Variants in GAS2 observed in about 807,000 individuals in gnomAD.
GAS2 encodes the protein growth arrest specific 2.
A neutral mutation model predicts 37.5 loss-of-function variants in GAS2; 20 were observed. That is an observed-to-expected ratio of 0.53 (90% confidence interval 0.37 to 0.77). GAS2 has a LOEUF of 0.77. Among genes scored for constraint, GAS2 ranks in the 30% least tolerant of loss-of-function variants. GAS2 has a pLI of 0.00. For synonymous variants in GAS2, 144 were observed against 132.2 expected (o/e 1.09, Z -0.61); for missense variants, 336 against 373.4 (o/e 0.90, Z 0.82).
At chr11:22,688,426 G>A (rs1369181437) in intron 3 of GAS2, 2 of 152,074 alleles carry the variant, frequency 1.3e-5, no homozygotes, top group Non-Finnish European at 2.9e-5. Flanking sequence ...GCCTGGTTAG[G>A]CCTTGGAAGG....
At chr11:22,731,705 T>C (rs80135716) in intron 4 of GAS2, among the ~76,000 whole-genome samples, 7,848 of 151,856 alleles carry the variant, frequency 0.052, 281 homozygotes, top group Middle Eastern at 0.13. Context: ...CCTTTAAGTG[T>C]TTGATAAATC....
In GAS2 at chr11:22,715,145, C is replaced by T. The variant is rs111575019; in HGVS notation, c.268-11147C>T. On this transcript the variant is annotated intron_variant, in intron 3 of 7. Transcript: ENST00000454584. ...AGATTAACCAAGAAAAGAAGAGATA[C>T]GTTCCAAATAAGCTTAATTAGAAAC... Among the ~76,000 whole-genome samples, 216 of 152,142 alleles carry T rather than the reference C, an allele frequency of 1.4e-3. 1 individual carries two copies. The highest frequency in any genetic ancestry group is 4.9e-3 in the African/African-American group (204 of 41,526).
At chr11:22,776,091 G>T (rs1326261668) in intron 7 of GAS2, among the ~76,000 whole-genome samples, 2 of 152,164 alleles carry the variant, frequency 1.3e-5, no homozygotes, top group East Asian at 1.9e-4. Flanking sequence ...ACCTTGTATT[G>T]TGCCTGTTGA....
chr11:22,684,689 C>G (rs560833962), intron 2 of GAS2, among the ~76,000 whole-genome samples: 1 of 152,138 alleles, frequency 6.6e-6, no homozygotes, highest in Admixed American at 6.5e-5. Context: ...CTCAGCCTCC[C>G]GAGTAGCTGG....
chr11:22,754,769 A>G (rs1465777103), intron 6 of GAS2, among the ~76,000 whole-genome samples: 1 of 152,160 alleles, frequency 6.6e-6, no homozygotes. Context: ...ATTAAAGTCA[A>G]AAATCGAATT....
chr11:22,710,529 A>ATG (rs1851354893), intron 3 of GAS2, among the ~76,000 whole-genome samples: 4 of 151,138 alleles, frequency 2.6e-5, no homozygotes, highest in Admixed American at 1.3e-4. Flanking sequence ...GTATATATAT[A>ATG]TATATGTTTC....
intron 3 of GAS2, among the ~76,000 whole-genome samples, chr11:22,724,043 T>G (rs1297635247): frequency 2.0e-5 from 3 of 151,952 alleles, no homozygotes. Flanking sequence ...ATGCATGTCC[T>G]TCTTGAATTA....
intron 1 of GAS2, 105 bp from the exon 2 acceptor site, chr11:22,674,745 T>C (rs1449177038): frequency 2.4e-5 from 19 of 795,726 alleles, no homozygotes; most frequent in Non-Finnish European, 3.6e-5. Context: ...TAAACTGAAC[T>C]GTCATCAGAA....
intron 1 of GAS2, among the ~76,000 whole-genome samples, chr11:22,648,399 T>C (rs1163861796): frequency 4.6e-5 from 7 of 152,186 alleles, no homozygotes; most frequent in East Asian, 1.9e-4. Context: ...ATTGACTTGG[T>C]GATGCGGGCT....
rs912121280 is a variant in GAS2, at chr11:22,707,488, C to T, written c.268-18804C>T. On this transcript the variant is annotated intron_variant, in intron 3 of 7. Coordinates refer to ENST00000454584, the MANE Select transcript of GAS2 (RefSeq NM_001143830.3). ...CACAAATGTTTATAGACTTGACTCT[C>T]AGCTGATCTAGACATACCATTGTTT... 6.6e-5 allele frequency among the ~76,000 whole-genome samples: 10 copies of T among 152,160 alleles called. No homozygotes were observed. In the East Asian group the frequency reaches 7.7e-4, roughly 12 times the overall value.
At chr11:22,725,474 G>A in intron 3 of GAS2, among the ~76,000 whole-genome samples, 1 of 152,108 alleles carries the variant, frequency 6.6e-6, no homozygotes, top group Non-Finnish European at 1.5e-5. Flanking sequence ...TGTCACCTGA[G>A]TTGAAGTGCG....
In GAS2 at chr11:22,706,491, C is replaced by T. The variant is rs1025747139; in HGVS notation, c.268-19801C>T. Among the ~76,000 whole-genome samples, 5 of 152,204 alleles carry T rather than the reference C, an allele frequency of 3.3e-5. No homozygotes were observed. The South Asian group carries it at 8.3e-4, about 25-fold the overall frequency. The stretch of plus-strand genomic sequence containing the variant: ...CAATGCTATCCCTCCCCGCTCCCCC[C>T]ACCCCACAACAGTCCCCGGAGTGTG... On this transcript the variant is annotated intron_variant, in intron 3 of 7. Coordinates refer to ENST00000454584, the MANE Select transcript of GAS2 (RefSeq NM_001143830.3).
At chr11:22,704,711 A>C (rs1221915504) in intron 3 of GAS2, among the ~76,000 whole-genome samples, 1 of 150,268 alleles carries the variant, frequency 6.7e-6, no homozygotes, top group Non-Finnish European at 1.5e-5. Flanking sequence ...GGAATATTCT[A>C]ATAAACAAAC....
chr11:22,725,675 C>T (rs1423810098), intron 3 of GAS2, among the ~76,000 whole-genome samples: 3 of 152,098 alleles, frequency 2.0e-5, no homozygotes, highest in Non-Finnish European at 2.9e-5. Flanking sequence ...CCTCCTGCCT[C>T]GGCCTCCCAG....
rs1156667721 is a variant in GAS2, at chr11:22,736,428, T to A, written c.410-1277T>A. 2.6e-5 allele frequency among the ~76,000 whole-genome samples: 4 copies of A among 152,044 alleles called. No individual in the cohort carries two copies. In the East Asian group the frequency reaches 7.7e-4, roughly 29 times the overall value. On this transcript the variant is annotated intron_variant, in intron 4 of 7. Coordinates refer to ENST00000454584, the MANE Select transcript of GAS2 (RefSeq NM_001143830.3). ...TAAAATTTAATGGTGGGATTAGAATTCTGGTAGGATTCAAATTTATTTTAA... is the reference window on the plus strand; with the variant it reads ...TAAAATTTAATGGTGGGATTAGAATACTGGTAGGATTCAAATTTATTTTAA...
intron 3 of GAS2, among the ~76,000 whole-genome samples, chr11:22,688,630 A>G (rs1236703636): frequency 6.6e-6 from 1 of 152,208 alleles, no homozygotes; most frequent in African/African-American, 2.4e-5. Context: ...TAAAACAAAA[A>G]GAAAAGAATT....
chr11:22,739,044 C>A (rs1328236528), intron 5 of GAS2, among the ~76,000 whole-genome samples: 1 of 152,182 alleles, frequency 6.6e-6, no homozygotes, highest in Non-Finnish European at 1.5e-5. Flanking sequence ...TTGGTCCTTT[C>A]AGATGTCTAC....
In GAS2 at chr11:22,637,627, T is replaced by C. The variant is rs1286927846; in HGVS notation, c.-21+11814T>C. ...TAATATAATATTAATTATATTAATATTTAATATAAATATTTATATATTATT... is the reference window on the plus strand; with the variant it reads ...TAATATAATATTAATTATATTAATACTTAATATAAATATTTATATATTATT... On this transcript the variant is annotated intron_variant, in intron 1 of 5. Transcript: ENST00000528582. 3.2e-4 allele frequency among the ~76,000 whole-genome samples: 43 copies of C among 132,312 alleles called. 1 individual carries two copies. Among genetic ancestry groups the C allele is most frequent in the African/African-American group, 1.2e-3 (43 of 34,906 alleles). 86.8% of individuals were successfully genotyped at this position (132,312 alleles called of 152,430 possible).
intron 3 of GAS2, 90 bp from the exon 4 acceptor site, chr11:22,726,202 T>A (rs1346398424): frequency 1.5e-6 from 2 of 1,344,958 alleles, no homozygotes; most frequent in East Asian, 2.3e-5. Flanking sequence ...ATGAGGTAAT[T>A]CCGAAGCATT....
Sources: gnomAD v4.1 joint callset for allele counts (sites outside exome capture counted in the v4.1 genomes callset) on GRCh38, gnomAD v4.1.1 for gene constraint, MANE v1.5 for transcripts, NCBI Gene and HGNC (gene_info 2026-07-23, HGNC 2026-07-21) for gene names.